SUGCT: variants seen among roughly 807,000 people sequenced by gnomAD.
SUGCT encodes succinyl-CoA:glutarate CoA-transferase.
SUGCT carries 41 observed loss-of-function variants against 55.0 expected under a neutral mutation model. The observed-to-expected ratio is 0.74, with a 90% confidence interval of 0.58 to 0.97. The LOEUF (loss-of-function observed/expected upper bound fraction) is 0.97, where lower values mean the gene tolerates loss of function less well. SUGCT is among the 50% of genes least tolerant of loss of function. SUGCT has a pLI of 0.00. For missense variants in SUGCT, 568 were observed against 547.8 expected (o/e 1.04, Z -0.37); for synonymous variants, 187 against 200.4 (o/e 0.93, Z 0.56).
intron 1 of SUGCT, among the ~76,000 whole-genome samples, chr7:40,138,086 C>T (rs539400239): frequency 6.6e-6 from 1 of 152,300 alleles, no homozygotes; most frequent in Admixed American, 6.5e-5. Flanking sequence ...GTGCATCCAT[C>T]ACTGGCACAA....
At chr7:40,225,900 T>G (rs1391669463) in intron 6 of SUGCT, among the ~76,000 whole-genome samples, 1 of 152,196 alleles carries the variant, frequency 6.6e-6, no homozygotes, top group Non-Finnish European at 1.5e-5. Context: ...ATAATTAAAC[T>G]AGGACAATAA....
intron 7 of SUGCT, among the ~76,000 whole-genome samples, chr7:40,274,073 CTT>C (rs386409972): frequency 1.8e-4 from 12 of 68,020 alleles, no homozygotes; most frequent in East Asian, 5.4e-4. Context: ...TTTTTACCTT[CTT>C]TTTTTTTTTT....
At chr7:40,286,952 A>T (rs1425497314) in intron 8 of SUGCT, among the ~76,000 whole-genome samples, 7 of 152,124 alleles carry the variant, frequency 4.6e-5, no homozygotes. Flanking sequence ...AAGACTGCAG[A>T]CAGCTTTAAT....
intron 12 of SUGCT, among the ~76,000 whole-genome samples, chr7:40,703,151 G>A (rs977856443): frequency 1.4e-5 from 2 of 143,848 alleles, no homozygotes; most frequent in African/African-American, 2.6e-5. Flanking sequence ...TGCAAACTCC[G>A]CCTCTCGGGT....
chr7:40,862,785 T>C (rs1158964738), downstream of SUGCT, among the ~76,000 whole-genome samples: 1 of 151,862 alleles, frequency 6.6e-6, no homozygotes, highest in Non-Finnish European at 1.5e-5. Flanking sequence ...TTCTGACTAA[T>C]CAAGCATGAT....
the SUGCT span, among the ~76,000 whole-genome samples, chr7:41,010,252 C>T: frequency 6.6e-5 from 10 of 152,170 alleles, no homozygotes; most frequent in Admixed American, 6.5e-5. Flanking sequence ...GCTTAGATAC[C>T]AACACGTAGG....
intron 9 of SUGCT, among the ~76,000 whole-genome samples, chr7:40,442,514 C>T (rs1343883662): frequency 6.6e-6 from 1 of 151,838 alleles, no homozygotes; most frequent in Non-Finnish European, 1.5e-5. Context: ...CTGTACTTCC[C>T]CAATTTTCTA....
At chr7:40,304,345 G>A (rs141056200) in intron 8 of SUGCT, among the ~76,000 whole-genome samples, 2 of 151,556 alleles carry the variant, frequency 1.3e-5, no homozygotes, top group African/African-American at 2.4e-5. Context: ...GAACCCATTG[G>A]TCACCCCATT....
chr7:40,693,191 C>A (rs1236643861), intron 12 of SUGCT, among the ~76,000 whole-genome samples: 1 of 152,142 alleles, frequency 6.6e-6, no homozygotes, highest in Non-Finnish European at 1.5e-5. Flanking sequence ...TGATTATGAG[C>A]CTGGGCTTTA....
At chr7:40,219,683 T>C (rs1469211493) in intron 6 of SUGCT, among the ~76,000 whole-genome samples, 1 of 152,006 alleles carries the variant, frequency 6.6e-6, no homozygotes, top group Non-Finnish European at 1.5e-5. Flanking sequence ...ACTCTTCTGT[T>C]TGGATGTTTA....
chr7:40,268,224 T>A (rs1244163971), intron 7 of SUGCT, among the ~76,000 whole-genome samples: 1 of 152,114 alleles, frequency 6.6e-6, no homozygotes. Context: ...CATCACCCCA[T>A]AAAGAAACCT....
At chr7:40,680,735 C>T (rs1784199092) in intron 12 of SUGCT, among the ~76,000 whole-genome samples, 1 of 152,100 alleles carries the variant, frequency 6.6e-6, no homozygotes, top group Admixed American at 6.6e-5. Flanking sequence ...TTTCTATGCT[C>T]CCTTTGATTA....
intron 6 of SUGCT, among the ~76,000 whole-genome samples, chr7:40,218,759 A>C (rs985447200): frequency 1.4e-4 from 21 of 152,060 alleles, no homozygotes; most frequent in African/African-American, 5.1e-4. Context: ...ACCAATCAGC[A>C]TTCTGTGTCT....
intron 13 of SUGCT, among the ~76,000 whole-genome samples, chr7:40,835,670 T>C (rs960720000): frequency 2.6e-5 from 4 of 152,212 alleles, no homozygotes; most frequent in Admixed American, 2.6e-4. Flanking sequence ...TCTTACTTTG[T>C]TTCAAAGCTT....
At chr7:40,742,378 T>G (rs772420483) in intron 12 of SUGCT, among the ~76,000 whole-genome samples, 7 of 152,320 alleles carry the variant, frequency 4.6e-5, no homozygotes, top group Admixed American at 2.6e-4. Flanking sequence ...GGGCCAGTTT[T>G]GTAGAAGACA....
intron 13 of SUGCT, among the ~76,000 whole-genome samples, chr7:40,836,025 T>C (rs573502558): frequency 6.6e-6 from 1 of 151,878 alleles, no homozygotes; most frequent in East Asian, 2.0e-4. Flanking sequence ...CTGGAGTAGC[T>C]GGGACTACAG....
intron 7 of SUGCT, among the ~76,000 whole-genome samples, chr7:40,245,282 C>T (rs1377366044): frequency 1.3e-5 from 2 of 148,564 alleles, no homozygotes; most frequent in Non-Finnish European, 3.0e-5. Flanking sequence ...TGGTTTCAAA[C>T]TCCTGACCTC....
intron 1 of SUGCT, among the ~76,000 whole-genome samples, chr7:40,148,077 G>T (rs1379532968): frequency 2.0e-5 from 3 of 151,764 alleles, no homozygotes; most frequent in African/African-American, 7.2e-5. Flanking sequence ...AATTTAAAGA[G>T]ACTGACAGGG....
intron 12 of SUGCT, among the ~76,000 whole-genome samples, chr7:40,673,994 A>G (rs1390620825): frequency 6.6e-6 from 1 of 152,200 alleles, no homozygotes; most frequent in Non-Finnish European, 1.5e-5. Flanking sequence ...AACAATAACA[A>G]CAAGAAAACT....
Sources: allele counts gnomAD v4.1 joint callset (sites outside exome capture counted in the v4.1 genomes callset), GRCh38; gene constraint gnomAD v4.1.1; transcripts MANE v1.5; gene names NCBI Gene and HGNC (gene_info 2026-07-23, HGNC 2026-07-21).